BCL2: variants seen among roughly 807,000 people sequenced by gnomAD.
The protein encoded by BCL2 is apoptosis regulator Bcl-2.
BCL2 carries 1 observed loss-of-function variant against 14.2 expected under a neutral mutation model. That is an observed-to-expected ratio of 0.07 (90% CI 0.02 to 0.33). The LOEUF (loss-of-function observed/expected upper bound fraction) is 0.33, where lower values mean the gene tolerates loss of function less well. BCL2 is among the 10% of genes least tolerant of loss of function. The probability of loss-of-function intolerance (pLI) is 0.99; values close to 1 mark genes in which losing one functional copy is unlikely to be tolerated. For synonymous variants in BCL2, 151 were observed against 137.2 expected, an observed-to-expected ratio of 1.10 and a Z score of -0.70; for missense variants, 247 against 305.9, an observed-to-expected ratio of 0.81 and a Z score of 1.44.
At chr18:63,285,986 G>A (rs903405163) in intron 2 of BCL2, among the ~76,000 whole-genome samples, 1 of 152,220 alleles carries the variant, frequency 6.6e-6, no homozygotes, top group African/African-American at 2.4e-5. Flanking sequence ...AGCAGCCTGG[G>A]AGGTTTTCAA....
rs985751659 is a variant in BCL2 at position 63,126,583 on chromosome 18, G to A, written c.*2042C>T. On this transcript the variant is annotated 3_prime_UTR_variant, in exon 3 of 3. Transcript: ENST00000333681. Reference sequence around the variant, plus strand: ...TATAACTGTCACAATAAACAATTCTGTTGACGTGGAAATGCACATGACTTG... The same window carrying A: ...TATAACTGTCACAATAAACAATTCTATTGACGTGGAAATGCACATGACTTG... 1 of 229,382 alleles carries A rather than the reference G, an allele frequency of 4.4e-6. No homozygotes were observed. Among genetic ancestry groups the A allele is most frequent in the African/African-American group, 2.2e-5 (1 of 45,118 alleles). The allele number at this position is 229,382 out of a possible 1,614,324, so 14.2% of individuals were successfully genotyped here. A position where few individuals can be genotyped will look rare whatever the true frequency, so the allele number is the denominator to read the frequency against.
chr18:63,241,901 C>T (rs747039091), intron 2 of BCL2, among the ~76,000 whole-genome samples: 1 of 152,100 alleles, frequency 6.6e-6, no homozygotes, highest in South Asian at 2.1e-4. Flanking sequence ...GAATTGTGGC[C>T]GACACTAATA....
At chr18:63,193,613 T>C (rs200203240) in intron 2 of BCL2, among the ~76,000 whole-genome samples, 2,138 of 148,012 alleles carry the variant, frequency 0.014, 53 homozygotes, top group African/African-American at 0.05. Flanking sequence ...TGTGTGTGTA[T>C]ACACACACAC....
chr18:63,264,730 T>G (rs1911767888), intron 2 of BCL2, among the ~76,000 whole-genome samples: 1 of 152,168 alleles, frequency 6.6e-6, no homozygotes, highest in Admixed American at 6.5e-5. Context: ...AAGAAATACA[T>G]GATTTGGAAT....
rs1531696 is a variant in BCL2 at position 63,141,216 on chromosome 18, C to T, written c.586-12457G>A. Among the ~76,000 whole-genome samples the T allele has an allele frequency of 7.9e-5, 12 of 152,310 alleles. No homozygotes were observed. The East Asian group carries it at 2.3e-3, about 29-fold the overall frequency. On this transcript the variant is annotated intron_variant, in intron 2 of 2. Transcript: ENST00000333681. ...TTACCTAGTTAGTGACCTTATTCTT[C>T]ACCCTTTCTCGTGCATCCTTGAGGA...
intron 2 of BCL2, among the ~76,000 whole-genome samples, chr18:63,306,439 G>A (rs1356084245): frequency 1.3e-5 from 2 of 152,148 alleles, no homozygotes; most frequent in Non-Finnish European, 2.9e-5. Flanking sequence ...CTTCCAGGGT[G>A]GGCCACCTCT....
chr18:63,169,335 TCC>T (rs1915149454), intron 2 of BCL2, among the ~76,000 whole-genome samples: 2 of 83,840 alleles, frequency 2.4e-5, no homozygotes, highest in Non-Finnish European at 4.4e-5. Context: ...TTCCTTTCCT[TCC>T]TTTCTTTCTT....
At chr18:63,226,935 G>A (rs80009380) in intron 2 of BCL2, among the ~76,000 whole-genome samples, 4,304 of 152,224 alleles carry the variant, frequency 0.028, 133 homozygotes, top group East Asian at 0.1. Context: ...AGAGGACTGA[G>A]GAGAGAAAAT....
intron 2 of BCL2, among the ~76,000 whole-genome samples, chr18:63,275,225 A>C (rs958565693): frequency 6.8e-6 from 1 of 147,532 alleles, no homozygotes; most frequent in Non-Finnish European, 1.5e-5. Flanking sequence ...ACAGAGTCAG[A>C]CCCTGTCTCA....
chr18:63,150,561 T>C (rs895164387), intron 2 of BCL2, among the ~76,000 whole-genome samples: 7 of 152,224 alleles, frequency 4.6e-5, no homozygotes, highest in Admixed American at 4.6e-4. Context: ...CAGTTTTCTC[T>C]GGAGTGACTT....
intron 2 of BCL2, chr18:63,317,563 T>G: frequency 1.0e-6 from 1 of 988,058 alleles, no homozygotes; most frequent in Non-Finnish European, 1.2e-6. Context: ...TTTTACCGAT[T>G]GATGATGCCC....
At chr18:63,255,883 A>C (rs1311679308) in intron 2 of BCL2, among the ~76,000 whole-genome samples, 3 of 152,124 alleles carry the variant, frequency 2.0e-5, no homozygotes, top group Non-Finnish European at 2.9e-5. Flanking sequence ...GTAAGAAATT[A>C]ATTTTCTTCT....
At chr18:63,216,827 T>C (rs1474002464) in intron 2 of BCL2, among the ~76,000 whole-genome samples, 1 of 152,246 alleles carries the variant, frequency 6.6e-6, no homozygotes, top group Non-Finnish European at 1.5e-5. Flanking sequence ...CGTTTTGCAG[T>C]GCAGTCAACA....
At chr18:63,162,656 G>A (rs1291878289) in intron 2 of BCL2, among the ~76,000 whole-genome samples, 1 of 151,878 alleles carries the variant, frequency 6.6e-6, no homozygotes, top group Non-Finnish European at 1.5e-5. Flanking sequence ...TCCAGCTACT[G>A]TCGCCTGATT....
chr18:63,163,207 A>G (rs900561237), intron 2 of BCL2, among the ~76,000 whole-genome samples: 50 of 152,064 alleles, frequency 3.3e-4, no homozygotes, highest in African/African-American at 1.0e-3. Flanking sequence ...TCATCACCCA[A>G]ATCTTAACCC....
chr18:63,202,114 G>T (rs1459243561), intron 2 of BCL2, among the ~76,000 whole-genome samples: 3 of 152,098 alleles, frequency 2.0e-5, no homozygotes, highest in Non-Finnish European at 2.9e-5. Context: ...TTTCTGACCA[G>T]CCTGGCGAAC....
intron 2 of BCL2, among the ~76,000 whole-genome samples, chr18:63,209,241 C>T (rs58760972): frequency 0.029 from 4,404 of 152,202 alleles, 214 homozygotes; most frequent in African/African-American, 0.1. Flanking sequence ...ATCGAGGGGC[C>T]GTGACTCTCT....
intron 2 of BCL2, among the ~76,000 whole-genome samples, chr18:63,246,458 G>A (rs568802113): frequency 1.3e-5 from 2 of 152,258 alleles, no homozygotes; most frequent in Admixed American, 1.3e-4. Context: ...GAAAGACATG[G>A]CGGCAAACAA....
intron 2 of BCL2, among the ~76,000 whole-genome samples, chr18:63,232,717 C>T (rs550997174): frequency 2.0e-5 from 3 of 152,308 alleles, no homozygotes; most frequent in South Asian, 4.1e-4. Flanking sequence ...AATTTGGCAA[C>T]GCCTACCAAC....
Sources: gnomAD v4.1 joint callset for allele counts (sites outside exome capture counted in the v4.1 genomes callset) on GRCh38, gnomAD v4.1.1 for gene constraint, MANE v1.5 for transcripts, NCBI Gene and HGNC (gene_info 2026-07-23, HGNC 2026-07-21) for gene names.